DDX10: variants seen among roughly 807,000 people sequenced by gnomAD.
The protein encoded by DDX10 is DEAD-box helicase 10.
A neutral mutation model predicts 104.3 loss-of-function variants in DDX10; 74 were observed. The observed-to-expected ratio is 0.71, with a 90% CI of 0.59 to 0.86. DDX10 has a LOEUF of 0.86. DDX10 is among the 40% of genes least tolerant of loss of function. The probability of loss-of-function intolerance (pLI) is 0.00; values close to 1 mark genes in which losing one functional copy is unlikely to be tolerated. For missense variants in DDX10, 952 were observed against 1,040.0 expected, an observed-to-expected ratio of 0.92 and a Z score of 1.16; for synonymous variants, 351 against 353.4, an observed-to-expected ratio of 0.99 and a Z score of 0.08.
At chr11:108,831,318 C>T (rs541870410) in intron 13 of DDX10, among the ~76,000 whole-genome samples, 2 of 150,046 alleles carry the variant, frequency 1.3e-5, no homozygotes, top group African/African-American at 4.9e-5. Context: ...GCAGGAGAAT[C>T]GCTTGAACCC....
intron 16 of DDX10, among the ~76,000 whole-genome samples, chr11:108,900,341 C>T (rs940352090): frequency 1.3e-5 from 2 of 152,136 alleles, no homozygotes; most frequent in African/African-American, 2.4e-5. Flanking sequence ...TCTAATACAC[C>T]TGGCTAAAAT....
At chr11:108,923,495 T>G (rs998075230) in intron 17 of DDX10, among the ~76,000 whole-genome samples, 2 of 152,268 alleles carry the variant, frequency 1.3e-5, no homozygotes, top group Non-Finnish European at 1.5e-5. Flanking sequence ...CCACTTGATC[T>G]GTTAGTCTCT....
intron 13 of DDX10, among the ~76,000 whole-genome samples, chr11:108,733,412 G>A (rs1044134433): frequency 6.6e-6 from 1 of 152,118 alleles, no homozygotes; most frequent in Non-Finnish European, 1.5e-5. Flanking sequence ...ATAAGTACTG[G>A]AAAATGATTA....
chr11:108,766,692 A>G (rs2094356778), intron 13 of DDX10, among the ~76,000 whole-genome samples: 1 of 152,216 alleles, frequency 6.6e-6, no homozygotes. Flanking sequence ...ATTAAATTTT[A>G]ATAAGCCGGG....
chr11:108,677,310 C>A, intron 4 of DDX10, 67 bp downstream of exon 4: 1 of 1,416,936 alleles, frequency 7.1e-7, no homozygotes. Context: ...TGGCCGATGA[C>A]AGGGAGGCAG....
At chr11:108,837,674 G>T (rs1490971230) in intron 13 of DDX10, among the ~76,000 whole-genome samples, 1 of 128,174 alleles carries the variant, frequency 7.8e-6, no homozygotes, top group African/African-American at 3.0e-5. Context: ...TCAGGCTGAG[G>T]TGGAATGGTG....
At chr11:108,701,290 G>A (rs933273109) in intron 9 of DDX10, among the ~76,000 whole-genome samples, 9 of 152,114 alleles carry the variant, frequency 5.9e-5, no homozygotes, top group Non-Finnish European at 8.8e-5. Flanking sequence ...CTGCATAACA[G>A]ACTGCACTGT....
intron 13 of DDX10, among the ~76,000 whole-genome samples, chr11:108,837,315 T>C (rs1862568660): frequency 6.6e-6 from 1 of 152,170 alleles, no homozygotes; most frequent in Non-Finnish European, 1.5e-5. Flanking sequence ...TTATTCTGTC[T>C]AATGGAAGCT....
intron 6 of DDX10, among the ~76,000 whole-genome samples, chr11:108,685,503 A>G (rs1463029259): frequency 6.6e-6 from 1 of 151,874 alleles, no homozygotes; most frequent in African/African-American, 2.4e-5. Flanking sequence ...TGCGTTGCTC[A>G]CGCTGGGAGC....
chr11:108,707,676 A>G (rs886133071), intron 10 of DDX10, among the ~76,000 whole-genome samples: 5 of 152,232 alleles, frequency 3.3e-5, no homozygotes, highest in Admixed American at 6.5e-5. Context: ...ATAAGGTGCT[A>G]TATAAAGAAT....
intron 9 of DDX10, among the ~76,000 whole-genome samples, chr11:108,706,118 C>T (rs1424814378): frequency 6.6e-6 from 1 of 151,962 alleles, no homozygotes; most frequent in Non-Finnish European, 1.5e-5. Context: ...ATTACAGGCA[C>T]CTGCCACCAT....
intron 13 of DDX10, among the ~76,000 whole-genome samples, chr11:108,797,916 T>C (rs1861968121): frequency 6.6e-6 from 1 of 152,220 alleles, no homozygotes; most frequent in African/African-American, 2.4e-5. Context: ...CATTCCTCAG[T>C]AATGATCCCA....
chr11:108,808,364 A>G (rs1350825494), intron 13 of DDX10, among the ~76,000 whole-genome samples: 2 of 151,898 alleles, frequency 1.3e-5, no homozygotes, highest in Non-Finnish European at 2.9e-5. Context: ...GGTGGGGGGA[A>G]ATATTGGATG....
intron 16 of DDX10, among the ~76,000 whole-genome samples, chr11:108,916,064 C>A (rs1161578487): frequency 1.3e-5 from 2 of 148,932 alleles, no homozygotes; most frequent in Non-Finnish European, 3.0e-5. Context: ...TTTTTAATTT[C>A]TAATACAGTA....
chr11:108,809,974 A>G (rs1398623154), intron 13 of DDX10, among the ~76,000 whole-genome samples: 2 of 152,100 alleles, frequency 1.3e-5, no homozygotes, highest in Non-Finnish European at 1.5e-5. Flanking sequence ...TTATCCTGCA[A>G]CCCTTCTTTT....
chr11:108,675,022 C>T (rs937392285), intron 2 of DDX10, among the ~76,000 whole-genome samples: 3 of 151,758 alleles, frequency 2.0e-5, no homozygotes, highest in Non-Finnish European at 4.4e-5. Context: ...ACATAAGGTC[C>T]TCCAGGTTCA....
chr11:108,711,484 C>T lies in DDX10; in HGVS notation c.1323-4395C>T, dbSNP rs545458707. 2.0e-4 allele frequency among the ~76,000 whole-genome samples: 30 copies of T among 152,288 alleles called. No individual in the cohort carries two copies. In the South Asian group the frequency reaches 2.7e-3, roughly 14 times the overall value. On this transcript the variant is annotated intron_variant, in intron 10 of 17. Transcript: ENST00000322536. ...AGTAGCTGGGATTACAGACACGTGC[C>T]GCCATGCCTGGCTAATTTTTGTATT...
chr11:108,787,261 A>G, intron 13 of DDX10, among the ~76,000 whole-genome samples: 1 of 151,976 alleles, frequency 6.6e-6, no homozygotes, highest in East Asian at 1.9e-4. Context: ...CTTTCTCTCT[A>G]GCTGCCTTTC....
chr11:108,888,208 A>T (rs1344158051), intron 16 of DDX10, among the ~76,000 whole-genome samples: 1 of 152,188 alleles, frequency 6.6e-6, no homozygotes, highest in Non-Finnish European at 1.5e-5. Flanking sequence ...GCCATAAACC[A>T]TAAAAAAAAC....
Sources: allele counts gnomAD v4.1 joint callset (sites outside exome capture counted in the v4.1 genomes callset), GRCh38; gene constraint gnomAD v4.1.1; transcripts MANE v1.5; gene names NCBI Gene and HGNC (gene_info 2026-07-23, HGNC 2026-07-21).